The following SLC6A6 variants were observed in gnomAD, a reference collection of about 807,000 sequenced individuals.
The protein encoded by SLC6A6 is solute carrier family 6 member 6.
SLC6A6 carries 16 observed loss-of-function variants against 68.8 expected under a neutral mutation model. That is an observed-to-expected ratio of 0.23 (90% CI 0.16 to 0.35). SLC6A6 has a LOEUF of 0.35. SLC6A6 is among the 10% of genes least tolerant of loss of function. The probability of loss-of-function intolerance (pLI) is 1.00; values close to 1 mark genes in which losing one functional copy is unlikely to be tolerated. For missense variants in SLC6A6, 474 were observed against 802.8 expected, an observed-to-expected ratio of 0.59 and a Z score of 4.95; for synonymous variants, 312 against 315.4, an observed-to-expected ratio of 0.99 and a Z score of 0.12.
Position 14,481,628 on chromosome 3 carries a change from GATGCC to G in SLC6A6, c.1552-42_1552-38del. ...TAGTCCCAGAAGCCCCCCACCCCCCGATGCCCAGGACCCCTCTCCTGACTGCCCCC... is the reference window on the plus strand; with the variant it reads ...TAGTCCCAGAAGCCCCCCACCCCCCGCAGGACCCCTCTCCTGACTGCCCCC... On this transcript the variant is annotated intron_variant, in intron 13 of 14. Transcript: ENST00000622186. This position sits in a 1 kb window ranked among gnomAD's most constrained non-coding sequence, Gnocchi z 4.7. The G allele has an allele frequency of 1.5e-6, 1 of 645,634 alleles. No homozygotes were observed. The allele number at this position is 645,634 out of a possible 1,614,324, so 40.0% of individuals were successfully genotyped here. A position where few individuals can be genotyped will look rare whatever the true frequency, so the allele number is the denominator to read the frequency against.
chr3:14,483,470 A>G (rs972626947), intron 14 of SLC6A6, among the ~76,000 whole-genome samples: 7 of 152,150 alleles, frequency 4.6e-5, no homozygotes, highest in African/African-American at 7.2e-5. Context: ...CAGAGCCCCA[A>G]GTGGCTGCCT....
rs139042329 is a variant in SLC6A6 at position 14,409,736 on chromosome 3, G to A, written c.-53-6676G>A. Among the ~76,000 whole-genome samples the A allele has an allele frequency of 2.0e-3, 304 of 152,346 alleles. No individual in the cohort carries two copies. In the East Asian group the frequency reaches 0.023, roughly 12 times the overall value. On this transcript the variant is annotated intron_variant, in intron 1 of 14. Coordinates refer to ENST00000622186, the MANE Select transcript of SLC6A6 (RefSeq NM_003043.6). ...GCCAAGGATCCAGTCTGGGAACGCCGCCTCAGGTCTGAGGGAGAGCAGCCC... is the reference window on the plus strand; with the variant it reads ...GCCAAGGATCCAGTCTGGGAACGCCACCTCAGGTCTGAGGGAGAGCAGCCC...
chr3:14,427,568 C>T (rs1265263110), intron 2 of SLC6A6, among the ~76,000 whole-genome samples: 1 of 152,210 alleles, frequency 6.6e-6, no homozygotes, highest in East Asian at 1.9e-4. Flanking sequence ...GGAGGGGTCC[C>T]CGGTGCCCAA....
chr3:14,456,950 C>T (rs931821534), intron 5 of SLC6A6, among the ~76,000 whole-genome samples: 1 of 152,214 alleles, frequency 6.6e-6, no homozygotes, highest in Non-Finnish European at 1.5e-5. Flanking sequence ...CTGTTCTCAG[C>T]GTGGCTGTCC....
At chr3:14,449,371 G>A (rs1265249221) in intron 5 of SLC6A6, among the ~76,000 whole-genome samples, 2 of 152,218 alleles carry the variant, frequency 1.3e-5, no homozygotes, top group Non-Finnish European at 2.9e-5. Flanking sequence ...CGCTCCCTGG[G>A]GAGCTGAGTT....
intron 5 of SLC6A6, among the ~76,000 whole-genome samples, chr3:14,454,171 G>T (rs76724769): frequency 0.023 from 3,442 of 152,286 alleles, 137 homozygotes; most frequent in African/African-American, 0.079. Flanking sequence ...CCTGACATAG[G>T]TATTGATAGA....
rs945236500 is a variant in SLC6A6 at position 14,408,907 on chromosome 3, G to C, written c.-54+6060G>C. Reference sequence around the variant, plus strand: ...CTGCAAGCTCCGCCTCCTGGGTTCAGGCCATTCTCCTGCCTCAGCCTCCCA... The same window carrying C: ...CTGCAAGCTCCGCCTCCTGGGTTCACGCCATTCTCCTGCCTCAGCCTCCCA... On this transcript the variant is annotated intron_variant, in intron 1 of 14. Coordinates refer to ENST00000622186, the MANE Select transcript of SLC6A6 (RefSeq NM_003043.6). Among the ~76,000 whole-genome samples, 6 of 151,776 alleles carry C rather than the reference G, an allele frequency of 4.0e-5. No individual in the cohort carries two copies. In the East Asian group the frequency reaches 9.8e-4, roughly 25 times the overall value.
In SLC6A6 at chr3:14,444,899, C is replaced by G. The variant is rs3773188; in HGVS notation, c.230-818C>G. 2.0e-5 allele frequency: 9 copies of G among 454,134 alleles called. 1 individual carries two copies. Among genetic ancestry groups the G allele is most frequent in the South Asian group, 6.2e-5 (4 of 64,468 alleles). 28.1% of individuals were successfully genotyped at this position (454,134 alleles called of 1,614,324 possible). On this transcript the variant is annotated intron_variant, in intron 3 of 14. Transcript: ENST00000622186. ...CCCCTGCCCCAATGCTTTGCCCCCCCATTCTTCCCCTTGGTCCCGCCCCCA... is the reference window on the plus strand; with the variant it reads ...CCCCTGCCCCAATGCTTTGCCCCCCGATTCTTCCCCTTGGTCCCGCCCCCA...
At chr3:14,463,624 G>C in intron 6 of SLC6A6, among the ~76,000 whole-genome samples, 1 of 152,328 alleles carries the variant, frequency 6.6e-6, no homozygotes, top group Middle Eastern at 3.4e-3. Context: ...CTGGCCGCCT[G>C]TCCGCCTGTC....
intron 1 of SLC6A6, among the ~76,000 whole-genome samples, chr3:14,408,632 A>G (rs568636411): frequency 6.6e-6 from 1 of 152,218 alleles, no homozygotes; most frequent in East Asian, 1.9e-4. Context: ...TTTTTAATAT[A>G]AGGTTATACA....
chr3:14,413,223 C>T (rs2124900784), intron 1 of SLC6A6, among the ~76,000 whole-genome samples: 1 of 152,346 alleles, frequency 6.6e-6, no homozygotes, highest in Admixed American at 6.5e-5. Context: ...CCCAAGGAAG[C>T]ACCTTAGCCT....
At chr3:14,428,428 T>C (rs772120617) in intron 2 of SLC6A6, among the ~76,000 whole-genome samples, 1 of 152,214 alleles carries the variant, frequency 6.6e-6, no homozygotes, top group Non-Finnish European at 1.5e-5. Flanking sequence ...ATCATCCTGA[T>C]AGCTTGAACT....
intron 12 of SLC6A6, 73 bp downstream of exon 12, chr3:14,478,641 A>G (rs1700937971): frequency 1.1e-6 from 1 of 920,724 alleles, no homozygotes; most frequent in African/African-American, 1.6e-5. Flanking sequence ...CTTCAGAAGC[A>G]GAGAATACTA....
rs367773180 is a variant in SLC6A6 at position 14,408,046 on chromosome 3, TG to T, written c.-54+5205del. Among the ~76,000 whole-genome samples, 79 of 152,210 alleles carry T rather than the reference TG, an allele frequency of 5.2e-4. 2 individuals are homozygous for T. In the South Asian group the frequency reaches 9.5e-3, roughly 18 times the overall value. ...GATGGACATTTGGGTTGTTTCCAGC[TG>T]GGGGGCAGCTATTACTAATAAAGCT... On this transcript the variant is annotated intron_variant, in intron 1 of 14. Transcript: ENST00000622186.
rs1454554803 is a variant in SLC6A6, at chr3:14,467,775, T to A, written c.868-78T>A. The A allele has an allele frequency of 7.3e-6, 6 of 819,686 alleles. No individual in the cohort carries two copies. In the East Asian group the frequency reaches 7.6e-5, roughly 10 times the overall value. 50.8% of individuals were successfully genotyped at this position (819,686 alleles called of 1,614,324 possible). A position where few individuals can be genotyped will look rare whatever the true frequency, so the allele number is the denominator to read the frequency against. On this transcript the variant is annotated intron_variant, in intron 7 of 14. Transcript: ENST00000622186. ...TCCCCAGGCCATCGCCAGGTGGACA[T>A]AACCCTCGCTGCCTCCTCCAGGAAG...
intron 6 of SLC6A6, among the ~76,000 whole-genome samples, chr3:14,458,736 A>G (rs1053142441): frequency 3.9e-5 from 6 of 152,228 alleles, no homozygotes; most frequent in African/African-American, 1.4e-4. Flanking sequence ...CGGCACCTCC[A>G]ATGTTAGTTG....
At chr3:14,408,564 A>G (rs971729270) in intron 1 of SLC6A6, among the ~76,000 whole-genome samples, 3 of 152,218 alleles carry the variant, frequency 2.0e-5, no homozygotes, top group African/African-American at 7.2e-5. Flanking sequence ...CTAACTCCTG[A>G]CCTCAAGTGA....
intron 1 of SLC6A6, among the ~76,000 whole-genome samples, chr3:14,413,745 C>G (rs1046684791): frequency 3.9e-5 from 6 of 152,126 alleles, no homozygotes; most frequent in African/African-American, 1.2e-4. Flanking sequence ...AATCCTTGCC[C>G]GTGATAACTA....
intron 14 of SLC6A6, among the ~76,000 whole-genome samples, chr3:14,482,698 G>T (rs1188691768): frequency 6.6e-6 from 1 of 152,158 alleles, no homozygotes; most frequent in Non-Finnish European, 1.5e-5. Flanking sequence ...AGGGAGGGGA[G>T]ACTGAGGAAG....
Sources: allele counts gnomAD v4.1 joint callset (sites outside exome capture counted in the v4.1 genomes callset), GRCh38; gene constraint gnomAD v4.1.1; non-coding constraint Gnocchi (gnomAD v3.1); transcripts MANE v1.5; gene names NCBI Gene and HGNC (gene_info 2026-07-23, HGNC 2026-07-21).